TSPOAP1: variants seen among roughly 807,000 people sequenced by gnomAD.
The protein encoded by TSPOAP1 is TSPO associated protein 1.
TSPOAP1 carries 87 observed loss-of-function variants against 197.0 expected under a neutral mutation model. The ratio of observed to expected loss-of-function variants is 0.44; its 90% CI spans 0.37 to 0.53. The LOEUF (loss-of-function observed/expected upper bound fraction) is 0.53. TSPOAP1 is among the 20% of genes least tolerant of loss of function. TSPOAP1 has a pLI of 0.00. For missense variants in TSPOAP1, 2,174 were observed against 2,411.3 expected, an observed-to-expected ratio of 0.90 and a Z score of 2.06; for synonymous variants, 913 against 998.9, an observed-to-expected ratio of 0.91 and a Z score of 1.62.
chr17:58,313,510 C>G (rs1258340464), intron 16 of TSPOAP1, among the ~76,000 whole-genome samples: 1 of 151,642 alleles, frequency 6.6e-6, no homozygotes, highest in African/African-American at 2.4e-5. Flanking sequence ...ACTCAGGAGC[C>G]TGAGGTGGAA....
chr17:58,324,697 G>T lies in TSPOAP1; in HGVS notation c.942+114C>A. On this transcript the variant is annotated intron_variant, in intron 5 of 31. Transcript: ENST00000343736. This position sits in a 1 kb window ranked among gnomAD's most constrained non-coding sequence, Gnocchi z 5.8. ...AAAGCTCCCCAGCCCCTGGGAGTGC[G>T]CACACCACCACTGAGTCCTTGGGGT... is the stretch of plus-strand genomic sequence containing the variant. The T allele has an allele frequency of 1.1e-6, 1 of 922,674 alleles. No individual in the cohort carries two copies. Among genetic ancestry groups the T allele is most frequent in the Non-Finnish European group, 1.5e-6 (1 of 669,572 alleles). 57.2% of individuals were successfully genotyped at this position (922,674 alleles called of 1,614,324 possible).
In TSPOAP1 at chr17:58,310,483, A is replaced by G. The variant is rs756107150; in HGVS notation, c.3699+29T>C. ...AGGGAGACAGGCCTCAATTCTCTGAAGTGACACAGTGTGTCCCCAAACCCC... is the reference window on the plus strand; with the variant it reads ...AGGGAGACAGGCCTCAATTCTCTGAGGTGACACAGTGTGTCCCCAAACCCC... On this transcript the variant is annotated intron_variant, in intron 20 of 31. Transcript: ENST00000343736. 1.9e-6 allele frequency: 3 copies of G among 1,605,218 alleles called. No homozygotes were observed. The South Asian group carries it at 3.3e-5, about 18-fold the overall frequency.
Position 58,304,882 on chromosome 17 carries a change from G to T in TSPOAP1, c.5544+179C>A. The T allele has an allele frequency of 1.4e-6, 1 of 699,428 alleles. No individual in the cohort carries two copies. The allele number at this position is 699,428 out of a possible 1,614,324, so 43.3% of individuals were successfully genotyped here. ...CCCTCTGCAGAGAGGGGCACATACT[G>T]GGGGGCAGCTGCTTGGTGGGGCTCC... On this transcript the variant is annotated intron_variant, in intron 30 of 31. Transcript: ENST00000343736. The surrounding 1 kb of genome is among the most constrained non-coding windows in gnomAD (Gnocchi z 4.2).
chr17:58,305,834 T>G lies in TSPOAP1; in HGVS notation c.5256A>C (p.Pro1752=), dbSNP rs1970868184. 4 of 1,612,860 alleles carry G rather than the reference T, an allele frequency of 2.5e-6. No homozygotes were observed. The highest frequency in any genetic ancestry group is 2.5e-6 in the Non-Finnish European group (3 of 1,179,676). ...AESEGPAQPC[P]GPPKLVPSAD... Reference sequence around the variant, plus strand: ...CCGGGCCCAGGGATATTCCTTCACCTGGACAGGGCTGGGCAGGGCCTTCCG... The same window carrying G: ...CCGGGCCCAGGGATATTCCTTCACCGGGACAGGGCTGGGCAGGGCCTTCCG... Residue 1752 remains proline (P), a splice_region_variant and synonymous_variant, in exon 27 of 32, where the codon CCA becomes CCC. Coordinates refer to ENST00000343736, the MANE Select transcript of TSPOAP1 (RefSeq NM_004758.4).
At position 58,308,415 on chromosome 17, in the gene TSPOAP1, G is replaced by A. The variant is rs531278617; in HGVS notation, c.4731+126C>T. 9.9e-5 allele frequency: 138 copies of A among 1,395,398 alleles called. No homozygotes were observed. In the East Asian group the frequency reaches 1.2e-3, roughly 12 times the overall value. The allele number at this position is 1,395,398 out of a possible 1,614,324, so 86.4% of individuals were successfully genotyped here. A position where few individuals can be genotyped will look rare whatever the true frequency, so the allele number is the denominator to read the frequency against. Reference sequence around the variant, plus strand: ...TGGGAGGAGGCAGGTGAGGGAGCCCGGAGGCCCGGCCCCACCTCTGCTGAT... The same window carrying A: ...TGGGAGGAGGCAGGTGAGGGAGCCCAGAGGCCCGGCCCCACCTCTGCTGAT... On this transcript the variant is annotated intron_variant, in intron 22 of 31. Coordinates refer to ENST00000343736, the MANE Select transcript of TSPOAP1 (RefSeq NM_004758.4).
chr17:58,318,225 C>T (rs1429930162), intron 14 of TSPOAP1, 55 bp downstream of exon 14: 1 of 1,599,598 alleles, frequency 6.3e-7, no homozygotes, highest in African/African-American at 1.3e-5. Flanking sequence ...GGCCACCTGC[C>T]CTGCACCCTT....
Position 58,309,430 on chromosome 17 carries a change from C to A in TSPOAP1, c.3892-50G>T. 2 of 1,552,244 alleles carry A rather than the reference C, an allele frequency of 1.3e-6. No homozygotes were observed. The highest frequency in any genetic ancestry group is 2.4e-5 in the South Asian group (2 of 83,572). On this transcript the variant is annotated intron_variant, in intron 21 of 31. Transcript: ENST00000343736. The surrounding 1 kb of genome is among the most constrained non-coding windows in gnomAD (Gnocchi z 5.0). ...TAGAACACAGCAGGGAAGAGAGATG[C>A]GTGGGGAAGAGGAGAGCGAGCTGCG...
At chr17:58,305,726 C>G in intron 27 of TSPOAP1, 83 bp from the exon 28 acceptor site, 3 of 1,483,288 alleles carry the variant, frequency 2.0e-6, no homozygotes, top group Non-Finnish European at 2.8e-6. Flanking sequence ...CCCCTGCTGA[C>G]CCCCTGTCAC....
rs1971014260 is a variant in TSPOAP1 at position 58,309,447 on chromosome 17, C to T, written c.3892-67G>A. ...GAGAGATGCGTGGGGAAGAGGAGAG[C>T]GAGCTGCGATCTTTGCCCTCAAACG... On this transcript the variant is annotated intron_variant, in intron 21 of 31. Coordinates refer to ENST00000343736, the MANE Select transcript of TSPOAP1 (RefSeq NM_004758.4). The surrounding 1 kb of genome is among the most constrained non-coding windows in gnomAD (Gnocchi z 5.0). 8 of 1,525,772 alleles carry T rather than the reference C, an allele frequency of 5.2e-6. No individual in the cohort carries two copies. In the East Asian group the frequency reaches 6.8e-5, roughly 13 times the overall value. 94.5% of individuals were successfully genotyped at this position (1,525,772 alleles called of 1,614,324 possible). A position where few individuals can be genotyped will look rare whatever the true frequency, so the allele number is the denominator to read the frequency against.
In TSPOAP1 at chr17:58,325,635, G is replaced by T; in HGVS notation, c.649C>A (p.Leu217Ile). ...AGCAGTGCACTGGCTGTCTCACTGA[G>T]GTCCCGGGCTCGCTGGCGGGCTAGG... ...KALARQRARD[L>I]SETASALLAK... The change falls in exon 4 of 32, where the codon CTC becomes ATC. Residue 217 changes from leucine to isoleucine, a missense_variant. Physicochemically the swap from Leu to Ile is conservative, Grantham distance 5 (BLOSUM62 2). Transcript: ENST00000343736. 6.2e-7 allele frequency: 1 copy of T among 1,613,558 alleles called. No homozygotes were observed. The highest frequency in any genetic ancestry group is 8.5e-7 in the Non-Finnish European group (1 of 1,180,004).
At chr17:58,317,487 C>T (rs1464285680) in intron 14 of TSPOAP1, among the ~76,000 whole-genome samples, 1 of 152,224 alleles carries the variant, frequency 6.6e-6, no homozygotes, top group Non-Finnish European at 1.5e-5. Context: ...CTCTTCTCTG[C>T]CAATGCCTGG....
intron 16 of TSPOAP1, among the ~76,000 whole-genome samples, chr17:58,313,826 C>A (rs577496064): frequency 1.3e-5 from 2 of 152,270 alleles, no homozygotes; most frequent in East Asian, 1.9e-4. Context: ...GGAGCCCCAG[C>A]AGGCCTGTGT....
At chr17:58,311,280 A>G in intron 18 of TSPOAP1, 67 bp from the exon 19 acceptor site, 1 of 1,576,596 alleles carries the variant, frequency 6.3e-7, no homozygotes, top group Non-Finnish European at 8.6e-7. Context: ...GGATGCACTG[A>G]CAGCAGTGGC....
chr17:58,316,060 G>A lies in TSPOAP1; in HGVS notation c.2061C>T (p.Tyr687=). Residue 687 remains tyrosine (Y), a synonymous_variant, in exon 16 of 32, where the codon TAC becomes TAT. Coordinates refer to ENST00000343736, the MANE Select transcript of TSPOAP1 (RefSeq NM_004758.4). ...CATCCTCATCCATGTTGCCATAGATGTAGATGTACTCGCCAGCTGTCAGCG... is the reference window on the plus strand; with the variant it reads ...CATCCTCATCCATGTTGCCATAGATATAGATGTACTCGCCAGCTGTCAGCG... The part of the protein sequence containing the change: ...ELPLTAGEYI[Y]IYGNMDEDGF... 6.2e-7 allele frequency: 1 copy of A among 1,614,146 alleles called. No homozygotes were observed. Among genetic ancestry groups the A allele is most frequent in the Non-Finnish European group, 8.5e-7 (1 of 1,180,016 alleles).
intron 1 of TSPOAP1, among the ~76,000 whole-genome samples, chr17:58,327,184 G>T (rs1971649325): frequency 6.6e-6 from 1 of 151,248 alleles, no homozygotes; most frequent in African/African-American, 2.4e-5. Flanking sequence ...CCAGCACCAA[G>T]CCCCCTCCCC....
intron 4 of TSPOAP1, 112 bp from the exon 5 acceptor site, chr17:58,325,114 T>C: frequency 2.1e-6 from 2 of 931,188 alleles, no homozygotes; most frequent in South Asian, 1.7e-5. Flanking sequence ...TGCGCGAGAC[T>C]GTGCACACCC....
At position 58,304,435 on chromosome 17, in the gene TSPOAP1, C is replaced by T. The variant is rs190057655; in HGVS notation, c.5545-36G>A. 47 of 1,580,284 alleles carry T rather than the reference C, an allele frequency of 3.0e-5. No individual in the cohort carries two copies. The African/African-American group carries it at 3.5e-4, about 12-fold the overall frequency. ...GGAACAAAGAGAGGAGATGGGTTAC[C>T]GACAGACCCGCACCTTCTCCGCCCG... On this transcript the variant is annotated intron_variant, in intron 30 of 31. Coordinates refer to ENST00000343736, the MANE Select transcript of TSPOAP1 (RefSeq NM_004758.4). This position sits in a 1 kb window ranked among gnomAD's most constrained non-coding sequence, Gnocchi z 4.2.
rs371575389 is a variant in TSPOAP1 at position 58,310,161 on chromosome 17, G to A, written c.3700-3C>T. 27 of 1,610,860 alleles carry A rather than the reference G, an allele frequency of 1.7e-5. No homozygotes were observed. Among genetic ancestry groups the A allele is most frequent in the Non-Finnish European group, 2.1e-5 (25 of 1,179,162 alleles). On this transcript the variant is annotated splice_polypyrimidine_tract_variant and splice_region_variant and intron_variant, in intron 20 of 31. Coordinates refer to ENST00000343736, the MANE Select transcript of TSPOAP1 (RefSeq NM_004758.4). ...CCAAGCTCTGCTGTGTCCTCCTTCTGCAAGAAGTGAGGCAAGGCAGGAGAG... is the reference window on the plus strand; with the variant it reads ...CCAAGCTCTGCTGTGTCCTCCTTCTACAAGAAGTGAGGCAAGGCAGGAGAG...
intron 12 of TSPOAP1, 24 bp from the exon 13 acceptor site, chr17:58,319,318 C>T (rs747240491): frequency 1.9e-6 from 3 of 1,549,570 alleles, no homozygotes; most frequent in South Asian, 2.4e-5. Flanking sequence ...CACCATGAGC[C>T]GCCAGGCCCC....
Sources: gnomAD v4.1 joint callset for allele counts (sites outside exome capture counted in the v4.1 genomes callset) on GRCh38, gnomAD v4.1.1 for gene constraint, Gnocchi (gnomAD v3.1) non-coding constraint, MANE v1.5 for transcripts, NCBI Gene and HGNC (gene_info 2026-07-23, HGNC 2026-07-21) for gene names.